GPATCH1: variants seen among roughly 807,000 people sequenced by gnomAD.
GPATCH1 encodes the protein G patch domain-containing protein 1.
GPATCH1 carries 73 observed loss-of-function variants against 114.9 expected under a neutral mutation model. The observed-to-expected ratio is 0.64, with a 90% CI of 0.53 to 0.77. The LOEUF is 0.77. GPATCH1 is among the 30% of genes least tolerant of loss of function. GPATCH1 has a pLI of 0.00. For missense variants in GPATCH1, 1,058 were observed against 1,144.3 expected (o/e 0.92, Z 1.09); for synonymous variants, 391 against 428.4 (o/e 0.91, Z 1.08).
intron 4 of GPATCH1, 28 bp downstream of exon 4, chr19:33,093,547 T>G: frequency 6.3e-7 from 1 of 1,592,774 alleles, no homozygotes; most frequent in Non-Finnish European, 8.6e-7. Flanking sequence ...ACTGTCATGA[T>G]CTTAGCACCG....
intron 5 of GPATCH1, among the ~76,000 whole-genome samples, chr19:33,095,332 G>A (rs1163363177): frequency 6.9e-6 from 1 of 144,722 alleles, no homozygotes; most frequent in Non-Finnish European, 1.5e-5. Context: ...GCGCGATCTC[G>A]GCTCACTGCA....
At chr19:33,114,645 G>A (rs1302275596) in intron 15 of GPATCH1, among the ~76,000 whole-genome samples, 1 of 152,094 alleles carries the variant, frequency 6.6e-6, no homozygotes, top group Non-Finnish European at 1.5e-5. Flanking sequence ...TTTCTGTAGA[G>A]TACAAACCTA....
chr19:33,114,514 C>A, intron 15 of GPATCH1, 95 bp downstream of exon 15: 1 of 973,216 alleles, frequency 1.0e-6, no homozygotes, highest in Non-Finnish European at 1.5e-6. Context: ...CCAGCAGAGG[C>A]AGCCAACTAT....
chr19:33,113,348 A>G (rs1192673124), intron 13 of GPATCH1: 1 of 163,654 alleles, frequency 6.1e-6, no homozygotes, highest in Non-Finnish European at 1.3e-5. Context: ...AGGCTGATGC[A>G]GGAGAATTGC....
At chr19:33,119,390 C>T (rs1972951559) in intron 17 of GPATCH1, among the ~76,000 whole-genome samples, 4 of 152,030 alleles carry the variant, frequency 2.6e-5, no homozygotes, top group Admixed American at 2.6e-4. Context: ...ATATAAGTTT[C>T]CCAACAGAGC....
chr19:33,111,833 G>C lies in GPATCH1; in HGVS notation c.1695G>C (p.Leu565Phe). 1 of 1,614,116 alleles carries C rather than the reference G, an allele frequency of 6.2e-7. No homozygotes were observed. The highest frequency in any genetic ancestry group is 1.3e-5 in the African/African-American group (1 of 75,050). ...ALLYASSHSTLSSRFTHAKEE... is the reference protein window; with the variant it reads ...ALLYASSHSTFSSRFTHAKEE... ...TGTACGCATCTTCCCATTCGACCTT[G>C]TCCTCCAGGTTCACTCACGCCAAGG... is the stretch of plus-strand genomic sequence containing the variant. The change falls in exon 12 of 20, where the codon TTG (leucine) becomes TTC (phenylalanine). Residue 565 changes from leucine (L) to phenylalanine (F), a missense_variant. Around this residue, in one of 3 missense-constraint regions of GPATCH1, gnomAD observed 893 missense variants for 977.4 expected, o/e 0.91. Transcript: ENST00000170564.
At position 33,130,517 on chromosome 19, in the gene GPATCH1, G is replaced by T; in HGVS notation, c.*357G>T. 5.5e-6 allele frequency: 1 copy of T among 181,344 alleles called. No homozygotes were observed. The allele number at this position is 181,344 out of a possible 1,614,324, so 11.2% of individuals were successfully genotyped here. On this transcript the variant is annotated 3_prime_UTR_variant, in exon 20 of 20. Transcript: ENST00000170564. ...ACAGCCTGGACTCACTGAAGGACAA[G>T]CGTGTGAGAAGGGGCGGTTGCGGCC... is the stretch of plus-strand genomic sequence containing the variant.
At chr19:33,113,139 CAG>C (rs749808289) in intron 13 of GPATCH1, 349 of 156,498 alleles carry the variant, frequency 2.2e-3, no homozygotes, top group Non-Finnish European at 3.6e-3. Flanking sequence ...AACAAACAAA[CAG>C]AACACTTCAA....
chr19:33,088,341 G>C, intron 2 of GPATCH1, 73 bp downstream of exon 2: 1 of 1,114,768 alleles, frequency 9.0e-7, no homozygotes, highest in Non-Finnish European at 1.3e-6. Context: ...CCTCACCCTT[G>C]CTTTTTTTTT....
At chr19:33,085,721 T>A (rs927334392) in intron 1 of GPATCH1, among the ~76,000 whole-genome samples, 1 of 152,178 alleles carries the variant, frequency 6.6e-6, no homozygotes, top group Non-Finnish European at 1.5e-5. Context: ...TGAGATGATA[T>A]GTACTAAAGG....
rs907753391 is a variant in GPATCH1 at position 33,113,857 on chromosome 19, C to G, written c.1983C>G (p.Thr661=). 6.2e-7 allele frequency: 1 copy of G among 1,614,094 alleles called. No individual in the cohort carries two copies. The highest frequency in any genetic ancestry group is 1.3e-5 in the African/African-American group (1 of 75,042). Residue 661 remains threonine (T), a synonymous_variant, in exon 14 of 20, where the codon ACC becomes ACG. Transcript: ENST00000170564. ...TCCCAGAGACAGCTTCCTTGCCCACCACTCAAGCATCAAGTGAAAAAGTAT... is the reference window on the plus strand; with the variant it reads ...TCCCAGAGACAGCTTCCTTGCCCACGACTCAAGCATCAAGTGAAAAAGTAT... ...LTLPETASLP[T]TQASSEKVSQ... is the part of the protein sequence containing the mutation.
chr19:33,101,352 TC>T (rs1972723897), intron 8 of GPATCH1, 142 bp from the exon 9 acceptor site: 1 of 619,716 alleles, frequency 1.6e-6, no homozygotes. Context: ...CACTTGTTCT[TC>T]CCTTTACTGC....
intron 17 of GPATCH1, among the ~76,000 whole-genome samples, chr19:33,122,180 G>T (rs1286137187): frequency 6.6e-6 from 1 of 151,846 alleles, no homozygotes; most frequent in Non-Finnish European, 1.5e-5. Flanking sequence ...CTAATTTTTT[G>T]TATTTTTAGT....
intron 17 of GPATCH1, among the ~76,000 whole-genome samples, chr19:33,123,882 A>G (rs1973011961): frequency 1.3e-5 from 2 of 149,664 alleles, no homozygotes; most frequent in Admixed American, 6.7e-5. Flanking sequence ...TTTGAGAAGG[A>G]TTCTTGCTCT....
chr19:33,108,305 C>A (rs1458703772), intron 10 of GPATCH1, among the ~76,000 whole-genome samples: 1 of 152,168 alleles, frequency 6.6e-6, no homozygotes, highest in Non-Finnish European at 1.5e-5. Flanking sequence ...AACCTCCAGG[C>A]TCCCCACGAG....
At chr19:33,125,243 G>A (rs544737173) in intron 18 of GPATCH1, 41 bp downstream of exon 18, 1 of 1,565,384 alleles carries the variant, frequency 6.4e-7, no homozygotes, top group Admixed American at 1.9e-5. Context: ...TGTGGGGTGG[G>A]ACCCGCTGGT....
intron 7 of GPATCH1, 34 bp from the exon 8 acceptor site, chr19:33,097,721 C>T (rs558745777): frequency 6.2e-7 from 1 of 1,605,904 alleles, no homozygotes; most frequent in South Asian, 1.1e-5. Context: ...TACCCTAACA[C>T]CTGTGCTCAG....
At chr19:33,113,671 T>C (rs750032667) in intron 13 of GPATCH1, 96 bp from the exon 14 acceptor site, 5 of 1,030,982 alleles carry the variant, frequency 4.8e-6, no homozygotes, top group Non-Finnish European at 7.4e-6. Context: ...TTTTTAGTCA[T>C]GCAGAAGAGG....
chr19:33,093,302 ATGTAT>A, intron 3 of GPATCH1, 52 bp from the exon 4 acceptor site: 1 of 1,110,780 alleles, frequency 9.0e-7, no homozygotes, highest in Middle Eastern at 2.1e-4. Flanking sequence ...AAACTATGTG[ATGTAT>A]TGTGTATAGT....
Sources: allele counts gnomAD v4.1 joint callset (sites outside exome capture counted in the v4.1 genomes callset), GRCh38; gene constraint gnomAD v4.1.1; regional missense constraint gnomAD v4.1.1; transcripts MANE v1.5; gene names NCBI Gene and HGNC (gene_info 2026-07-23, HGNC 2026-07-21).